The following KANK1 variants were observed in gnomAD, a reference collection of about 807,000 sequenced individuals.
KANK1 encodes KN motif and ankyrin repeat domains 1.
Under a neutral mutation model 106.2 loss-of-function variants are expected in KANK1, and 109 were observed. The observed-to-expected ratio is 1.03, with a 90% CI of 0.88 to 1.20. The LOEUF is 1.20. KANK1 is among the 50% of genes most tolerant of loss of function. The probability of loss-of-function intolerance (pLI) is 0.00; values close to 1 mark genes in which losing one functional copy is unlikely to be tolerated. For missense variants in KANK1, 2,399 were observed against 1,710.7 expected, an observed-to-expected ratio of 1.40 and a Z score of -7.10; for synonymous variants, 873 against 652.2, an observed-to-expected ratio of 1.34 and a Z score of -5.16.
chr9:730,398 G>C (rs999825246), intron 4 of KANK1, 150 bp downstream of exon 4: 4 of 866,686 alleles, frequency 4.6e-6, no homozygotes, highest in African/African-American at 3.4e-5. Context: ...CTTTAAATAA[G>C]GTTACCAAAG....
intron 2 of KANK1, among the ~76,000 whole-genome samples, chr9:681,290 A>G (rs927778226): frequency 2.0e-5 from 3 of 152,160 alleles, no homozygotes; most frequent in African/African-American, 7.2e-5. Context: ...TTAAGGAGGT[A>G]AGAGCATCAT....
At chr9:622,934 G>A (rs1211177044) in intron 1 of KANK1, among the ~76,000 whole-genome samples, 1 of 151,928 alleles carries the variant, frequency 6.6e-6, no homozygotes, top group Non-Finnish European at 1.5e-5. Context: ...TAATGGTAAG[G>A]CCTGAAACCA....
chr9:635,694 C>CTTTTTTTTTT lies in KANK1; in HGVS notation c.-83-41183_-83-41174dup, dbSNP rs1162836319. Among the ~76,000 whole-genome samples, 358 of 103,304 alleles carry CTTTTTTTTTT rather than the reference C, an allele frequency of 3.5e-3. 1 individual carries two copies. The highest frequency in any genetic ancestry group is 4.1e-3 in the Non-Finnish European group (222 of 54,116). 67.8% of individuals were successfully genotyped at this position (103,304 alleles called of 152,430 possible). A position where few individuals can be genotyped will look rare whatever the true frequency, so the allele number is the denominator to read the frequency against. On this transcript the variant is annotated intron_variant, in intron 1 of 11. Transcript: ENST00000382297. ...CCATTTACCCACATTCCTTTTTATT[C>CTTTTTTTTTT]TTTTTTTTTTTTTTTTTTTTTTGAG...
At chr9:566,935 G>A (rs1233495285) in intron 1 of KANK1, among the ~76,000 whole-genome samples, 2 of 152,106 alleles carry the variant, frequency 1.3e-5, no homozygotes, top group East Asian at 1.9e-4. Flanking sequence ...CCATTCCTAT[G>A]TCCGGAATGG....
At chr9:593,101 T>G (rs1825372575) in intron 1 of KANK1, among the ~76,000 whole-genome samples, 1 of 151,890 alleles carries the variant, frequency 6.6e-6, no homozygotes, top group Non-Finnish European at 1.5e-5. Context: ...CCGCCAGTTT[T>G]TTTAAACTGT....
chr9:478,702 C>T (rs1307906904), intron 3 of KANK1, among the ~76,000 whole-genome samples: 2 of 152,298 alleles, frequency 1.3e-5, no homozygotes, highest in South Asian at 2.1e-4. Flanking sequence ...AAAAACAAAA[C>T]CAAACTCTTT....
chr9:727,523 C>G (rs2131588001), intron 3 of KANK1, among the ~76,000 whole-genome samples: 1 of 152,136 alleles, frequency 6.6e-6, no homozygotes, highest in African/African-American at 2.4e-5. Flanking sequence ...ACCATGTTGG[C>G]CAGGCTGGTC....
At position 508,693 on chromosome 9, in the gene KANK1, G is replaced by C. The variant is rs1249075334; in HGVS notation, c.-84+3939G>C. On this transcript the variant is annotated intron_variant, in intron 1 of 11. Transcript: ENST00000382297. ...TGGTTTCTTTCTCAACATTATATTT[G>C]TGAGATTCAGCTGTGTTGTTGCTTG... Among the ~76,000 whole-genome samples, 4 of 151,308 alleles carry C rather than the reference G, an allele frequency of 2.6e-5. No homozygotes were observed. In the South Asian group the frequency reaches 8.3e-4, roughly 31 times the overall value.
At chr9:532,345 G>T (rs1462777348) in intron 1 of KANK1, among the ~76,000 whole-genome samples, 3 of 135,590 alleles carry the variant, frequency 2.2e-5, no homozygotes, top group Admixed American at 7.9e-5. Context: ...TGGTTCAAGC[G>T]ATTCTCCTGC....
chr9:713,998 A>G (rs993855591), intron 3 of KANK1, among the ~76,000 whole-genome samples: 26 of 152,310 alleles, frequency 1.7e-4, no homozygotes, highest in Non-Finnish European at 3.7e-4. Flanking sequence ...CAGCTACTCT[A>G]GAGGCTGAGG....
intron 1 of KANK1, among the ~76,000 whole-genome samples, chr9:579,856 A>G (rs1375806243): frequency 6.6e-6 from 1 of 152,198 alleles, no homozygotes; most frequent in Non-Finnish European, 1.5e-5. Flanking sequence ...GTTGGACCTG[A>G]AAAACCTCAG....
chr9:633,212 C>G (rs1346966678), intron 1 of KANK1, among the ~76,000 whole-genome samples: 1 of 152,128 alleles, frequency 6.6e-6, no homozygotes, highest in African/African-American at 2.4e-5. Context: ...AATCCCAGCA[C>G]TTTGAGAGCC....
intron 1 of KANK1, among the ~76,000 whole-genome samples, chr9:572,425 T>G (rs112446034): frequency 0.058 from 8,849 of 152,056 alleles, 844 homozygotes; most frequent in African/African-American, 0.2. Flanking sequence ...GGTAGTGGGT[T>G]CCTGTAGTCC....
intron 1 of KANK1, among the ~76,000 whole-genome samples, chr9:602,895 C>G (rs1008050014): frequency 1.3e-5 from 2 of 151,882 alleles, no homozygotes; most frequent in Non-Finnish European, 2.9e-5. Context: ...CATCTCAACT[C>G]TTGAAGAGCT....
chr9:529,258 TACACACACACACAG>T (rs1259953586), intron 1 of KANK1, among the ~76,000 whole-genome samples: 7 of 149,008 alleles, frequency 4.7e-5, no homozygotes, highest in Non-Finnish European at 7.4e-5. Context: ...CACACACATA[TACACACACACACAG>T]ACACACACAC....
intron 1 of KANK1, among the ~76,000 whole-genome samples, chr9:625,890 TC>T (rs1337668203): frequency 2.0e-5 from 3 of 152,180 alleles, no homozygotes; most frequent in South Asian, 2.1e-4. Flanking sequence ...TTTTAACCAC[TC>T]CCCACGGTCC....
intron 1 of KANK1, among the ~76,000 whole-genome samples, chr9:636,135 A>T (rs990621106): frequency 1.3e-5 from 2 of 152,214 alleles, no homozygotes; most frequent in African/African-American, 4.8e-5. Context: ...CCAAGTATCA[A>T]TTAAAGATTC....
intron 1 of KANK1, among the ~76,000 whole-genome samples, chr9:552,899 C>G (rs1318429209): frequency 2.0e-5 from 3 of 152,156 alleles, no homozygotes; most frequent in African/African-American, 4.8e-5. Flanking sequence ...AATCCTAGGA[C>G]TTTGGGAAGC....
chr9:590,634 C>G (rs1275392906), intron 1 of KANK1, among the ~76,000 whole-genome samples: 3 of 122,644 alleles, frequency 2.4e-5, no homozygotes, highest in African/African-American at 5.4e-5. Context: ...TTATATTCTT[C>G]CGGAGATTTT....
Sources: allele counts gnomAD v4.1 joint callset (sites outside exome capture counted in the v4.1 genomes callset), GRCh38; gene constraint gnomAD v4.1.1; transcripts MANE v1.5; gene names NCBI Gene and HGNC (gene_info 2026-07-23, HGNC 2026-07-21).